The following HMGB1 variants were observed in gnomAD, a reference collection of about 807,000 sequenced individuals.
The protein encoded by HMGB1 is high mobility group box 1.
For synonymous variants in HMGB1, 81 were observed against 84.0 expected (o/e 0.96, Z 0.19); for missense variants, 79 against 253.5 (o/e 0.31, Z 4.67).
At chr13:30,461,705 T>C in intron 4 of HMGB1, 172 bp from the exon 5 acceptor site, 1 of 1,535,700 alleles carries the variant, frequency 6.5e-7, no homozygotes, top group Non-Finnish European at 8.9e-7. Context: ...TAAATGAACA[T>C]AAAAATACAA....
intron 1 of HMGB1, among the ~76,000 whole-genome samples, chr13:30,528,904 C>A (rs1490603460): frequency 6.6e-6 from 1 of 151,900 alleles, no homozygotes; most frequent in African/African-American, 2.4e-5. Context: ...TGGCGGGCGC[C>A]TCTAGTCCCA....
chr13:30,607,153 A>C (rs1950467894), intron 1 of HMGB1, among the ~76,000 whole-genome samples: 1 of 152,162 alleles, frequency 6.6e-6, no homozygotes, highest in African/African-American at 2.4e-5. Context: ...AATTATTACC[A>C]CTGCAAAAGA....
intron 1 of HMGB1, among the ~76,000 whole-genome samples, chr13:30,512,227 G>T (rs1226363370): frequency 6.6e-6 from 1 of 152,140 alleles, no homozygotes; most frequent in Non-Finnish European, 1.5e-5. Context: ...GGAGGTCAAG[G>T]TAACCCAAAA....
intron 1 of HMGB1, among the ~76,000 whole-genome samples, chr13:30,473,145 G>A (rs1026209835): frequency 6.6e-6 from 1 of 152,170 alleles, no homozygotes; most frequent in African/African-American, 2.4e-5. Flanking sequence ...ATGTGTTCAT[G>A]TATGGAGAAG....
intron 1 of HMGB1, among the ~76,000 whole-genome samples, chr13:30,508,752 C>T (rs562793041): frequency 3.3e-5 from 5 of 152,190 alleles, no homozygotes; most frequent in Non-Finnish European, 5.9e-5. Context: ...TTTCCCCTCC[C>T]CTTCATTTTT....
At chr13:30,496,897 A>T (rs1397755956) in intron 1 of HMGB1, among the ~76,000 whole-genome samples, 1 of 151,936 alleles carries the variant, frequency 6.6e-6, no homozygotes, top group Non-Finnish European at 1.5e-5. Context: ...CACCACACAC[A>T]CCGCCCACCA....
chr13:30,531,009 T>C (rs1888480692), intron 1 of HMGB1, among the ~76,000 whole-genome samples: 1 of 152,172 alleles, frequency 6.6e-6, no homozygotes, highest in African/African-American at 2.4e-5. Context: ...ATTGTGCCAC[T>C]GCACTCCAGA....
intron 1 of HMGB1, among the ~76,000 whole-genome samples, chr13:30,594,819 T>C (rs571145845): frequency 6.6e-6 from 1 of 152,318 alleles, no homozygotes; most frequent in East Asian, 1.9e-4. Context: ...TAATTTGCAT[T>C]CCCACCAACG....
intron 1 of HMGB1, among the ~76,000 whole-genome samples, chr13:30,538,569 T>TC (rs200320023): frequency 3.1e-4 from 27 of 86,470 alleles, no homozygotes; most frequent in African/African-American, 2.6e-3. Flanking sequence ...CTTTCTTCTT[T>TC]TTCTTTCTTT....
At chr13:30,544,352 G>A (rs948483245) in intron 1 of HMGB1, among the ~76,000 whole-genome samples, 1 of 152,210 alleles carries the variant, frequency 6.6e-6, no homozygotes, top group South Asian at 2.1e-4. Context: ...TAATGGCTGG[G>A]GACCCCTAAG....
At chr13:30,572,330 T>C (rs1870472326) in intron 1 of HMGB1, among the ~76,000 whole-genome samples, 1 of 152,252 alleles carries the variant, frequency 6.6e-6, no homozygotes, top group African/African-American at 2.4e-5. Flanking sequence ...CATTTTGTAA[T>C]GACATTGGAA....
chr13:30,463,705 A>T lies in HMGB1; in HGVS notation c.-14-11T>A. On this transcript the variant is annotated splice_polypyrimidine_tract_variant and intron_variant, in intron 1 of 4. Transcript: ENST00000341423. ...TGTTTAGTTATTTTTCTAAAAAATAAAATAAATATTTGATGTTAGCAATAA... is the reference window on the plus strand; with the variant it reads ...TGTTTAGTTATTTTTCTAAAAAATATAATAAATATTTGATGTTAGCAATAA... 1 of 1,506,678 alleles carries T rather than the reference A, an allele frequency of 6.6e-7. No homozygotes were observed. The highest frequency in any genetic ancestry group is 8.9e-7 in the Non-Finnish European group (1 of 1,117,522). The allele number at this position is 1,506,678 out of a possible 1,614,324, so 93.3% of individuals were successfully genotyped here.
chr13:30,604,727 G>C lies in HMGB1; in HGVS notation c.-15+11944C>G, dbSNP rs551958576. ...GGCTGGAGTGCAGTGGCGTGATCTC[G>C]GCTCACTGCAAGCTCTGCCTCCTGG... On this transcript the variant is annotated intron_variant, in intron 1 of 4. Transcript: ENST00000405805. Among the ~76,000 whole-genome samples, 6 of 152,214 alleles carry C rather than the reference G, an allele frequency of 3.9e-5. No homozygotes were observed. The South Asian group carries it at 1.2e-3, about 32-fold the overall frequency.
At chr13:30,547,590 C>G (rs1380616884) in intron 1 of HMGB1, among the ~76,000 whole-genome samples, 2 of 152,016 alleles carry the variant, frequency 1.3e-5, no homozygotes. Flanking sequence ...TGTCTAACAC[C>G]ATGGGAAAAG....
chr13:30,507,880 C>T (rs1887903364), intron 1 of HMGB1, among the ~76,000 whole-genome samples: 1 of 152,006 alleles, frequency 6.6e-6, no homozygotes, highest in African/African-American at 2.4e-5. Context: ...CCTGTAGTCC[C>T]AGCTATTAAG....
chr13:30,466,545 G>A (rs1344934738), upstream of HMGB1, among the ~76,000 whole-genome samples: 1 of 152,184 alleles, frequency 6.6e-6, no homozygotes, highest in Non-Finnish European at 1.5e-5. Flanking sequence ...AGCCAGCCGG[G>A]TTTAAAATAC....
chr13:30,515,712 A>C (rs2137468272), intron 1 of HMGB1, among the ~76,000 whole-genome samples: 1 of 150,638 alleles, frequency 6.6e-6, no homozygotes, highest in East Asian at 1.9e-4. Flanking sequence ...AGCCCACATT[A>C]TTCTAGAAGG....
intron 1 of HMGB1, among the ~76,000 whole-genome samples, chr13:30,524,528 C>CCAAA (rs1888319906): frequency 6.6e-6 from 1 of 151,562 alleles, no homozygotes; most frequent in Admixed American, 6.6e-5. Flanking sequence ...GGAGGAACTA[C>CCAAA]CAAACACTTA....
At chr13:30,514,967 C>T (rs1048712350) in intron 1 of HMGB1, among the ~76,000 whole-genome samples, 1 of 152,172 alleles carries the variant, frequency 6.6e-6, no homozygotes, top group South Asian at 2.1e-4. Flanking sequence ...AGAGTTGACT[C>T]CCATGATTAG....
Sources: allele counts gnomAD v4.1 joint callset (sites outside exome capture counted in the v4.1 genomes callset), GRCh38; gene constraint gnomAD v4.1.1; transcripts MANE v1.5; gene names NCBI Gene and HGNC (gene_info 2026-07-23, HGNC 2026-07-21).